The following FCHSD2 variants were observed in gnomAD, a reference collection of about 807,000 sequenced individuals.
FCHSD2 encodes the protein F-BAR and double SH3 domains protein 2.
A neutral mutation model predicts 108.1 loss-of-function variants in FCHSD2; 38 were observed. That is an observed-to-expected ratio of 0.35 (90% CI 0.27 to 0.46). FCHSD2 has a LOEUF of 0.46. Ranked by LOEUF, FCHSD2 falls within the 20% of genes least tolerant of loss-of-function variation. The probability of loss-of-function intolerance (pLI) is 1.00; values close to 1 mark genes in which losing one functional copy is unlikely to be tolerated. For synonymous variants in FCHSD2, 279 were observed against 314.7 expected (o/e 0.89, Z 1.20); for missense variants, 751 against 897.8 (o/e 0.84, Z 2.09).
intron 12 of FCHSD2, among the ~76,000 whole-genome samples, chr11:72,875,013 A>G (rs1854937554): frequency 6.6e-6 from 1 of 152,244 alleles, no homozygotes; most frequent in African/African-American, 2.4e-5. Context: ...TTATAAACAC[A>G]GTCAATTACC....
At chr11:72,868,244 A>G (rs929735250) in intron 12 of FCHSD2, among the ~76,000 whole-genome samples, 3 of 152,220 alleles carry the variant, frequency 2.0e-5, no homozygotes, top group Non-Finnish European at 2.9e-5. Context: ...AAACTAAGGC[A>G]GGAACAGAAA....
intron 12 of FCHSD2, among the ~76,000 whole-genome samples, chr11:72,882,369 A>G (rs76793740): frequency 6.6e-6 from 1 of 152,170 alleles, no homozygotes; most frequent in Non-Finnish European, 1.5e-5. Flanking sequence ...AAAAAAAAAA[A>G]GTACAGAGTA....
At chr11:72,881,078 G>A (rs1035591882) in intron 12 of FCHSD2, among the ~76,000 whole-genome samples, 2 of 152,108 alleles carry the variant, frequency 1.3e-5, no homozygotes, top group African/African-American at 4.8e-5. Context: ...AAACAAAAGA[G>A]TTAACAGATG....
Position 73,099,757 on chromosome 11 carries a change from G to A in FCHSD2, c.120-16017C>T, listed in dbSNP as rs754993812. On this transcript the variant is annotated intron_variant, in intron 2 of 19. Coordinates refer to ENST00000409418, the MANE Select transcript of FCHSD2 (RefSeq NM_014824.3). Reference sequence around the variant, plus strand: ...GCCGGACCAAAAAGGCTGTTTCCCCGTGGTTTCCAGAGAGTGACTGCTCCA... The same window carrying A: ...GCCGGACCAAAAAGGCTGTTTCCCCATGGTTTCCAGAGAGTGACTGCTCCA... Among the ~76,000 whole-genome samples the A allele has an allele frequency of 2.2e-4, 33 of 152,310 alleles. 1 individual carries two copies. Among genetic ancestry groups the A allele is most frequent in the Middle Eastern group, 3.4e-3 (1 of 294 alleles).
chr11:73,049,909 C>T (rs1156782196), intron 3 of FCHSD2, among the ~76,000 whole-genome samples: 1 of 152,078 alleles, frequency 6.6e-6, no homozygotes, highest in Non-Finnish European at 1.5e-5. Flanking sequence ...AAAAGTCTAT[C>T]ATGTGTACAA....
chr11:72,880,160 C>T (rs1489427666), intron 12 of FCHSD2, among the ~76,000 whole-genome samples: 1 of 151,904 alleles, frequency 6.6e-6, no homozygotes, highest in Non-Finnish European at 1.5e-5. Flanking sequence ...TGAAAGATCT[C>T]TACAAGGAAA....
intron 2 of FCHSD2, among the ~76,000 whole-genome samples, chr11:73,137,402 G>A (rs1194991755): frequency 6.6e-6 from 1 of 152,036 alleles, no homozygotes; most frequent in Non-Finnish European, 1.5e-5. Context: ...CAACAAACAA[G>A]ATAGTGTAAT....
intron 2 of FCHSD2, among the ~76,000 whole-genome samples, chr11:73,100,353 T>TTGTTGC (rs1290320265): frequency 6.6e-6 from 1 of 151,952 alleles, no homozygotes; most frequent in Non-Finnish European, 1.5e-5. Context: ...GTTGTTGTTG[T>TTGTTGC]TGTTGTTGTT....
intron 4 of FCHSD2, among the ~76,000 whole-genome samples, chr11:73,013,033 C>A (rs1857894438): frequency 6.6e-6 from 1 of 152,158 alleles, no homozygotes; most frequent in South Asian, 2.1e-4. Flanking sequence ...CACCTTTACA[C>A]TATCATTAAA....
intron 8 of FCHSD2, among the ~76,000 whole-genome samples, chr11:72,948,585 A>G (rs898658715): frequency 6.6e-6 from 1 of 152,216 alleles, no homozygotes; most frequent in African/African-American, 2.4e-5. Flanking sequence ...TACATTATCA[A>G]TAATAGAATA....
At chr11:72,893,929 AT>A (rs776983837) in intron 10 of FCHSD2, among the ~76,000 whole-genome samples, 1 of 152,214 alleles carries the variant, frequency 6.6e-6, no homozygotes, top group Non-Finnish European at 1.5e-5. Context: ...CTCTCAAGAT[AT>A]GATTTTGTTT....
intron 2 of FCHSD2, among the ~76,000 whole-genome samples, chr11:73,117,965 T>C (rs1860642572): frequency 6.6e-6 from 1 of 152,218 alleles, no homozygotes; most frequent in African/African-American, 2.4e-5. Flanking sequence ...ACATATTATA[T>C]ATACATTTTC....
chr11:72,939,331 G>A (rs773594493), intron 8 of FCHSD2, among the ~76,000 whole-genome samples: 57 of 152,100 alleles, frequency 3.7e-4, no homozygotes, highest in Non-Finnish European at 7.2e-4. Context: ...CCCCCAGTCG[G>A]TAAGATTGTG....
chr11:73,102,569 T>C (rs192348382), intron 2 of FCHSD2, among the ~76,000 whole-genome samples: 2 of 152,332 alleles, frequency 1.3e-5, no homozygotes, highest in Non-Finnish European at 2.9e-5. Context: ...CTAAAACTCA[T>C]GTTGAAGTTT....
intron 8 of FCHSD2, among the ~76,000 whole-genome samples, chr11:72,937,502 T>C (rs970718368): frequency 5.3e-5 from 8 of 152,180 alleles, no homozygotes; most frequent in Non-Finnish European, 8.8e-5. Flanking sequence ...AAAGAGTTAA[T>C]AAACATGTCA....
intron 19 of FCHSD2, among the ~76,000 whole-genome samples, chr11:72,839,218 TAG>T (rs1860827687): frequency 6.6e-6 from 1 of 152,102 alleles, no homozygotes; most frequent in African/African-American, 2.4e-5. Context: ...GTGTCTTGGG[TAG>T]AGAGTTACAA....
intron 19 of FCHSD2, 26 bp from the exon 20 acceptor site, chr11:72,838,900 T>A (rs778251705): frequency 5.1e-6 from 8 of 1,583,986 alleles, no homozygotes; most frequent in Non-Finnish European, 6.9e-6. Context: ...TTACGTAGTT[T>A]GTCAGTCAGT....
At chr11:72,968,276 A>G (rs145516428) in intron 8 of FCHSD2, among the ~76,000 whole-genome samples, 1 of 152,304 alleles carries the variant, frequency 6.6e-6, no homozygotes, top group East Asian at 1.9e-4. Context: ...TAACACTGGT[A>G]CTCTGTCCTT....
intron 17 of FCHSD2, among the ~76,000 whole-genome samples, chr11:72,842,133 C>T (rs533147842): frequency 6.6e-6 from 1 of 152,252 alleles, no homozygotes; most frequent in Admixed American, 6.5e-5. Context: ...AGGCTGTTTC[C>T]CTGTGATGAA....
Sources: allele counts gnomAD v4.1 joint callset (sites outside exome capture counted in the v4.1 genomes callset), GRCh38; gene constraint gnomAD v4.1.1; transcripts MANE v1.5; gene names NCBI Gene and HGNC (gene_info 2026-07-23, HGNC 2026-07-21).